Variants in TSEN15 observed in about 807,000 individuals in gnomAD.
TSEN15 encodes the protein tRNA-splicing endonuclease subunit Sen15.
In TSEN15, 10 loss-of-function variants were observed where a neutral mutation model predicts 20.5. That is an observed-to-expected ratio of 0.49 (90% confidence interval 0.30 to 0.83). The LOEUF (loss-of-function observed/expected upper bound fraction) is 0.83, where lower values mean the gene tolerates loss of function less well. TSEN15 is among the 40% of genes least tolerant of loss of function. The pLI is 0.06. For missense variants in TSEN15, 180 were observed against 218.6 expected (o/e 0.82, Z 1.11); for synonymous variants, 72 against 80.1 (o/e 0.90, Z 0.54).
downstream of TSEN15, among the ~76,000 whole-genome samples, chr1:184,074,447 C>T (rs1320264756): frequency 6.6e-6 from 1 of 152,136 alleles, no homozygotes; most frequent in Non-Finnish European, 1.5e-5. Context: ...TATTAGTAGC[C>T]TTCAATTTCT....
At chr1:184,079,722 A>G (rs1301070045) in intron 3 of TSEN15, among the ~76,000 whole-genome samples, 4 of 152,160 alleles carry the variant, frequency 2.6e-5, no homozygotes, top group Admixed American at 2.0e-4. Flanking sequence ...CCTTATCCCC[A>G]ATTCCAGTCA....
intron 3 of TSEN15, among the ~76,000 whole-genome samples, chr1:184,079,393 C>T (rs940123238): frequency 2.0e-4 from 31 of 151,998 alleles, no homozygotes; most frequent in African/African-American, 7.2e-4. Flanking sequence ...TACAAAATAC[C>T]ACAGCCTGGG....
Position 184,095,073 on chromosome 1 carries a change from C to G in TSEN15, c.354-617C>G, listed in dbSNP as rs1572725077. On this transcript the variant is annotated intron_variant, in intron 3 of 3. Transcript: ENST00000643231. ...AAGACCTCCTTCACTGTTGCTGAGA[C>G]TGCGAGCTCTTGGAAGACGGTGACT... is the stretch of plus-strand genomic sequence containing the variant. The G allele has an allele frequency of 1.8e-5, 7 of 398,708 alleles. No homozygotes were observed. The East Asian group carries it at 2.5e-4, about 14-fold the overall frequency. The allele number at this position is 398,708 out of a possible 1,614,324, so 24.7% of individuals were successfully genotyped here.
intron 1 of TSEN15, among the ~76,000 whole-genome samples, chr1:184,052,866 C>A (rs1416129300): frequency 1.3e-5 from 2 of 152,142 alleles, no homozygotes; most frequent in Non-Finnish European, 2.9e-5. Flanking sequence ...CAGTTTAAAT[C>A]CTGATTCTGT....
chr1:184,053,406 A>G (rs939835014), intron 1 of TSEN15, among the ~76,000 whole-genome samples: 1 of 152,306 alleles, frequency 6.6e-6, no homozygotes, highest in East Asian at 1.9e-4. Flanking sequence ...ATAAAATCAC[A>G]TGTTTAGCTT....
intron 2 of TSEN15, 102 bp from the exon 3 acceptor site, chr1:184,054,626 G>A (rs1650176129): frequency 2.9e-6 from 4 of 1,381,818 alleles, no homozygotes; most frequent in Middle Eastern, 4.0e-4. Flanking sequence ...AGGAGGTAGT[G>A]TTACGAGTGA....
chr1:184,068,813 A>AATT (rs1256933154), intron 3 of TSEN15, among the ~76,000 whole-genome samples: 1 of 152,150 alleles, frequency 6.6e-6, no homozygotes. Flanking sequence ...CAAATCAAGG[A>AATT]ATTATTCCCT....
At chr1:184,086,736 A>G (rs574215805) in intron 3 of TSEN15, among the ~76,000 whole-genome samples, 2 of 152,256 alleles carry the variant, frequency 1.3e-5, no homozygotes, top group South Asian at 2.1e-4. Flanking sequence ...AGTGAGAGAG[A>G]GGGAGAGCAA....
At chr1:184,075,513 G>A (rs1478680330), downstream of TSEN15, among the ~76,000 whole-genome samples, 1 of 152,040 alleles carries the variant, frequency 6.6e-6, no homozygotes, top group Admixed American at 6.6e-5. Flanking sequence ...TAAACCCTCA[G>A]TAAATACTTG....
At chr1:184,097,368 T>C (rs1046156916) in exon 4 of TSEN15, 1 of 152,244 alleles carries the variant, frequency 6.6e-6, no homozygotes, top group African/African-American at 2.4e-5. Context: ...AAATCTGTAT[T>C]GTCCCTTGCT....
chr1:184,088,140 G>A (rs1013557688), intron 3 of TSEN15, among the ~76,000 whole-genome samples: 2 of 152,116 alleles, frequency 1.3e-5, no homozygotes, highest in African/African-American at 2.4e-5. Context: ...CTGAGCTGTG[G>A]GCACCAGCCA....
intron 3 of TSEN15, among the ~76,000 whole-genome samples, chr1:184,068,195 T>C (rs1650758898): frequency 1.3e-5 from 2 of 151,874 alleles, no homozygotes; most frequent in African/African-American, 4.8e-5. Context: ...ACTAGTTCTT[T>C]CTTTGGAACA....
downstream of TSEN15, chr1:184,074,241 A>G (rs927407274): frequency 3.3e-5 from 5 of 152,186 alleles, no homozygotes; most frequent in African/African-American, 4.8e-5. Flanking sequence ...TTAGTTATCT[A>G]TCATTGCAAA....
intron 3 of TSEN15, among the ~76,000 whole-genome samples, chr1:184,063,695 A>T (rs1352920731): frequency 6.6e-6 from 1 of 152,100 alleles, no homozygotes; most frequent in African/African-American, 2.4e-5. Context: ...TTTAAAGGAC[A>T]TGATTAAAGA....
downstream of TSEN15, among the ~76,000 whole-genome samples, chr1:184,078,425 T>C (rs1651103782): frequency 2.0e-5 from 3 of 152,164 alleles, no homozygotes; most frequent in Admixed American, 2.0e-4. Flanking sequence ...CCCTTCAATA[T>C]CTCCAAGGTA....
chr1:184,083,731 GT>G (rs1651210463), intron 3 of TSEN15, among the ~76,000 whole-genome samples: 1 of 152,070 alleles, frequency 6.6e-6, no homozygotes, highest in African/African-American at 2.4e-5. Context: ...ATTCTCTATT[GT>G]TTAGATATAA....
intron 3 of TSEN15, among the ~76,000 whole-genome samples, chr1:184,086,194 G>T (rs1396002625): frequency 1.3e-5 from 2 of 152,122 alleles, no homozygotes; most frequent in East Asian, 1.9e-4. Context: ...AAGACACAAA[G>T]TTCAAAATGT....
rs150465619 is a variant in TSEN15 at position 184,083,368 on chromosome 1, T to C, written c.354-12322T>C. Among the ~76,000 whole-genome samples the C allele has an allele frequency of 7.5e-4, 115 of 152,330 alleles. No homozygotes were observed. In the East Asian group the frequency reaches 0.019, roughly 25 times the overall value. On this transcript the variant is annotated intron_variant, in intron 3 of 3. Transcript: ENST00000643231. ...TCCCTTGCCTTAGAGTTCTGAGAAA[T>C]CAAAATAAGGATTTATAAACAAAAT...
At chr1:184,094,810 A>G (rs1015147231) in intron 3 of TSEN15, 1 of 385,228 alleles carries the variant, frequency 2.6e-6, no homozygotes, top group Non-Finnish European at 4.6e-6. Flanking sequence ...GAGACTACCA[A>G]TAAAATGTCT....
Sources: allele counts gnomAD v4.1 joint callset (sites outside exome capture counted in the v4.1 genomes callset), GRCh38; gene constraint gnomAD v4.1.1; transcripts MANE v1.5; gene names NCBI Gene and HGNC (gene_info 2026-07-23, HGNC 2026-07-21).